Variants in PAPSS1 observed in about 807,000 individuals in gnomAD.
The protein encoded by PAPSS1 is bifunctional 3'-phosphoadenosine 5'-phosphosulfate synthase 1.
In PAPSS1, 50 loss-of-function variants were observed where a neutral mutation model predicts 72.0. The ratio of observed to expected loss-of-function variants is 0.69; its 90% CI spans 0.55 to 0.88. PAPSS1 has a LOEUF of 0.88. Ranked by LOEUF, PAPSS1 falls within the 40% of genes least tolerant of loss-of-function variation. The pLI is 0.00. For missense variants in PAPSS1, 657 were observed against 782.2 expected, an observed-to-expected ratio of 0.84 and a Z score of 1.91; for synonymous variants, 261 against 263.6, an observed-to-expected ratio of 0.99 and a Z score of 0.09.
chr4:107,666,407 T>C (rs1216274811), intron 5 of PAPSS1, among the ~76,000 whole-genome samples: 1 of 152,216 alleles, frequency 6.6e-6, no homozygotes, highest in Non-Finnish European at 1.5e-5. Context: ...TGTTTTCTAT[T>C]TTCTTAAATA....
chr4:107,676,031 T>C (rs1046035411), intron 5 of PAPSS1, among the ~76,000 whole-genome samples: 5 of 152,118 alleles, frequency 3.3e-5, no homozygotes, highest in African/African-American at 1.2e-4. Context: ...ATGGGACGTA[T>C]CTCAAAATAA....
At chr4:107,639,761 T>G (rs1025399227) in intron 10 of PAPSS1, among the ~76,000 whole-genome samples, 1 of 152,146 alleles carries the variant, frequency 6.6e-6, no homozygotes, top group Non-Finnish European at 1.5e-5. Context: ...CTCTTGGAAG[T>G]GTGTAGAGGG....
chr4:107,688,395 C>T (rs549948011), intron 3 of PAPSS1, among the ~76,000 whole-genome samples: 41 of 152,264 alleles, frequency 2.7e-4, no homozygotes, highest in African/African-American at 9.4e-4. Flanking sequence ...TAACACACTA[C>T]AATTGTGCCT....
chr4:107,697,550 T>C (rs1286305330), intron 2 of PAPSS1, among the ~76,000 whole-genome samples: 1 of 152,244 alleles, frequency 6.6e-6, no homozygotes, highest in Admixed American at 6.5e-5. Flanking sequence ...TGTTCATACA[T>C]ACATGTGTAT....
At chr4:107,682,201 A>G in intron 4 of PAPSS1, 68 bp from the exon 5 acceptor site, 1 of 795,008 alleles carries the variant, frequency 1.3e-6, no homozygotes, top group Middle Eastern at 2.7e-4. Flanking sequence ...TTTTCAGTGC[A>G]GATCTCTGCT....
chr4:107,639,629 A>G (rs1726485721), intron 10 of PAPSS1, among the ~76,000 whole-genome samples: 1 of 152,236 alleles, frequency 6.6e-6, no homozygotes. Context: ...TTGGAACAAG[A>G]TAAATGAGAA....
At chr4:107,647,483 T>C (rs576895613) in intron 9 of PAPSS1, among the ~76,000 whole-genome samples, 2 of 151,498 alleles carry the variant, frequency 1.3e-5, no homozygotes, top group African/African-American at 2.4e-5. Flanking sequence ...CTGACTGACA[T>C]AAAAATCTAC....
chr4:107,645,025 T>C lies in PAPSS1; in HGVS notation c.1283A>G (p.His428Arg). The C allele has an allele frequency of 1.2e-6, 2 of 1,604,724 alleles. No homozygotes were observed. The highest frequency in any genetic ancestry group is 1.1e-5 in the South Asian group (1 of 89,436). The stretch of plus-strand genomic sequence containing the variant: ...ATGGGTATCCTGCATTAACAGGGCA[T>C]GTCCATTGTGCACTGGGTTGCGTAG... ...FQLRNPVHNGHALLMQDTHKQ... is the reference protein window; with the variant it reads ...FQLRNPVHNGRALLMQDTHKQ... The change falls in exon 10 of 12, where the codon CAT (histidine) becomes CGT (arginine). Residue 428 changes from histidine to arginine, a missense_variant. Coordinates refer to ENST00000265174, the MANE Select transcript of PAPSS1 (RefSeq NM_005443.5).
At chr4:107,666,019 C>T (rs1727306769) in intron 5 of PAPSS1, among the ~76,000 whole-genome samples, 2 of 152,116 alleles carry the variant, frequency 1.3e-5, no homozygotes, top group African/African-American at 4.8e-5. Flanking sequence ...AACACAAGGG[C>T]ACATTCATAT....
chr4:107,634,857 T>C (rs1726320482), intron 10 of PAPSS1, among the ~76,000 whole-genome samples: 1 of 144,596 alleles, frequency 6.9e-6, no homozygotes, highest in Non-Finnish European at 1.5e-5. Context: ...TGGAGTGCAG[T>C]GACGATCTCG....
At chr4:107,697,532 A>C (rs1053137630) in intron 2 of PAPSS1, among the ~76,000 whole-genome samples, 1 of 152,212 alleles carries the variant, frequency 6.6e-6, no homozygotes, top group Admixed American at 6.5e-5. Context: ...AATTATAATA[A>C]AAGTGTCTGT....
chr4:107,627,661 T>C (rs1182866181), intron 11 of PAPSS1, among the ~76,000 whole-genome samples: 2 of 152,196 alleles, frequency 1.3e-5, no homozygotes, highest in Admixed American at 6.5e-5. Flanking sequence ...AATCAATTTA[T>C]ATTTTAAAGT....
At chr4:107,621,608 C>CTTTTTTTTGTTTTT (rs1725956730) in intron 11 of PAPSS1, among the ~76,000 whole-genome samples, 1 of 48,148 alleles carries the variant, frequency 2.1e-5, no homozygotes, top group Non-Finnish European at 3.9e-5. Flanking sequence ...GGTTTTTTAT[C>CTTTTTTTTGTTTTT]TTTTTTTTTT....
chr4:107,614,263 A>C lies in PAPSS1; in HGVS notation c.1861T>G (p.Leu621Val). Residue 621 changes from leucine (L) to valine (V), a missense_variant, in exon 12 of 12, where the codon TTG becomes GTG. By Grantham distance (32) the Leu-to-Val change is conservative. This residue lies in a region of PAPSS1 where 103 missense variants were observed against 93.8 expected (regional missense o/e 1.10). Coordinates refer to ENST00000265174, the MANE Select transcript of PAPSS1 (RefSeq NM_005443.5). ...GGGTTAACAGCCTAAGCTTTCTCCA[A>C]GGATTTGTAGTATTCTGTCAGCACG... Reference protein sequence around the residue: ...WTVLTEYYKSLEKA With the variant: ...WTVLTEYYKSVEKA 3 of 1,613,450 alleles carry C rather than the reference A, an allele frequency of 1.9e-6. No individual in the cohort carries two copies. The highest frequency in any genetic ancestry group is 2.5e-6 in the Non-Finnish European group (3 of 1,179,640).
intron 5 of PAPSS1, among the ~76,000 whole-genome samples, chr4:107,662,812 T>A (rs1234244975): frequency 6.6e-6 from 1 of 152,176 alleles, no homozygotes; most frequent in Non-Finnish European, 1.5e-5. Context: ...TCTCCATCCA[T>A]AGGTACATTA....
At chr4:107,682,748 C>T (rs1722663654) in intron 4 of PAPSS1, among the ~76,000 whole-genome samples, 1 of 152,110 alleles carries the variant, frequency 6.6e-6, no homozygotes, top group African/African-American at 2.4e-5. Flanking sequence ...TTATTTTTTT[C>T]TCAATGCAAA....
At chr4:107,679,770 C>G (rs745880802) in intron 5 of PAPSS1, among the ~76,000 whole-genome samples, 44 of 151,800 alleles carry the variant, frequency 2.9e-4, no homozygotes, top group Admixed American at 5.2e-4. Context: ...CTTCCACCCC[C>G]CCAGATTCAA....
chr4:107,662,939 C>T (rs1727226285), intron 5 of PAPSS1, among the ~76,000 whole-genome samples: 1 of 152,150 alleles, frequency 6.6e-6, no homozygotes, highest in Admixed American at 6.5e-5. Context: ...AAGTGAACTA[C>T]ACATACATTT....
intron 11 of PAPSS1, among the ~76,000 whole-genome samples, chr4:107,621,678 T>C (rs942924074): frequency 8.2e-5 from 11 of 134,592 alleles, no homozygotes; most frequent in African/African-American, 3.0e-4. Flanking sequence ...TGGAGTGCAG[T>C]GGCACGATAT....
Sources: allele counts gnomAD v4.1 joint callset (sites outside exome capture counted in the v4.1 genomes callset), GRCh38; gene constraint gnomAD v4.1.1; regional missense constraint gnomAD v4.1.1; transcripts MANE v1.5; gene names NCBI Gene and HGNC (gene_info 2026-07-23, HGNC 2026-07-21).